The following BMPER variants were observed in gnomAD, a reference collection of about 807,000 sequenced individuals.
BMPER encodes the protein BMP-binding endothelial regulator protein.
A neutral mutation model predicts 87.3 loss-of-function variants in BMPER; 45 were observed. That is an observed-to-expected ratio of 0.52 (90% CI 0.41 to 0.66). BMPER has a LOEUF of 0.66. Among genes scored for constraint, BMPER ranks in the 30% least tolerant of loss-of-function variants. The pLI is 0.00. For missense variants in BMPER, 784 were observed against 867.5 expected (o/e 0.90, Z 1.21); for synonymous variants, 326 against 316.2 (o/e 1.03, Z -0.33).
chr7:33,998,821 A>C (rs1274243226), intron 6 of BMPER, among the ~76,000 whole-genome samples: 1 of 152,240 alleles, frequency 6.6e-6, no homozygotes, highest in Non-Finnish European at 1.5e-5. Flanking sequence ...CGACCTGCTC[A>C]TCAGAGGAGA....
At chr7:33,944,761 A>G (rs1281128703) in intron 3 of BMPER, among the ~76,000 whole-genome samples, 7 of 152,102 alleles carry the variant, frequency 4.6e-5, no homozygotes, top group Non-Finnish European at 1.0e-4. Context: ...TAATGTGCAT[A>G]GTTTATTTAT....
chr7:33,916,871 C>CA (rs1784098017), intron 2 of BMPER, among the ~76,000 whole-genome samples: 1 of 152,064 alleles, frequency 6.6e-6, no homozygotes, highest in Non-Finnish European at 1.5e-5. Flanking sequence ...TAGCTCCCCC[C>CA]AGAATGGAAC....
At chr7:34,016,482 G>C (rs531530805) in intron 6 of BMPER, among the ~76,000 whole-genome samples, 17 of 152,042 alleles carry the variant, frequency 1.1e-4, no homozygotes, top group African/African-American at 4.1e-4. Flanking sequence ...AATTAGGATA[G>C]TACTGATCCT....
chr7:34,119,868 G>A (rs1182229848), intron 13 of BMPER, among the ~76,000 whole-genome samples: 1 of 152,152 alleles, frequency 6.6e-6, no homozygotes, highest in East Asian at 1.9e-4. Context: ...CAGAAAAATT[G>A]AAAGTAAAGA....
At chr7:34,039,887 C>G (rs1023190764) in intron 6 of BMPER, among the ~76,000 whole-genome samples, 1 of 152,044 alleles carries the variant, frequency 6.6e-6, no homozygotes, top group Non-Finnish European at 1.5e-5. Context: ...TTGTATCAGT[C>G]AAGGTCTCAT....
intron 2 of BMPER, among the ~76,000 whole-genome samples, chr7:33,935,796 T>C (rs543422465): frequency 6.6e-6 from 1 of 152,288 alleles, no homozygotes; most frequent in Admixed American, 6.5e-5. Flanking sequence ...AGGAGAATAT[T>C]CACCACATTC....
intron 2 of BMPER, among the ~76,000 whole-genome samples, chr7:33,923,368 T>A (rs1784281865): frequency 6.6e-6 from 1 of 152,246 alleles, no homozygotes; most frequent in African/African-American, 2.4e-5. Flanking sequence ...CACTAAGCTC[T>A]AGTGGGTCTG....
At chr7:33,992,156 A>G (rs1487302438) in intron 6 of BMPER, among the ~76,000 whole-genome samples, 1 of 150,272 alleles carries the variant, frequency 6.7e-6, no homozygotes, top group African/African-American at 2.5e-5. Flanking sequence ...AGCTGAGTTC[A>G]ATTCCTGGGT....
intron 3 of BMPER, among the ~76,000 whole-genome samples, chr7:33,949,353 G>A (rs560322141): frequency 6.6e-6 from 1 of 152,198 alleles, no homozygotes; most frequent in Admixed American, 6.5e-5. Flanking sequence ...TAACCCCAGC[G>A]ACTTTGTCCT....
At chr7:33,912,977 G>T (rs527576836) in intron 2 of BMPER, among the ~76,000 whole-genome samples, 54 of 152,222 alleles carry the variant, frequency 3.5e-4, no homozygotes, top group African/African-American at 1.1e-3. Flanking sequence ...TGTGCTGGCT[G>T]GGGACCTTTG....
chr7:34,049,366 G>A (rs1282756384), intron 7 of BMPER, among the ~76,000 whole-genome samples: 2 of 152,120 alleles, frequency 1.3e-5, no homozygotes, highest in East Asian at 1.9e-4. Flanking sequence ...GAGTTTAAGC[G>A]ATTGGTCACA....
chr7:33,992,033 C>T (rs1307848388), intron 6 of BMPER, among the ~76,000 whole-genome samples: 1 of 150,914 alleles, frequency 6.6e-6, no homozygotes, highest in South Asian at 2.1e-4. Context: ...AGCTTTACTT[C>T]CCAGTATGTG....
intron 3 of BMPER, among the ~76,000 whole-genome samples, chr7:33,957,567 AAC>A (rs970620503): frequency 2.6e-5 from 4 of 152,106 alleles, no homozygotes; most frequent in South Asian, 2.1e-4. Flanking sequence ...ACTGCACAGA[AAC>A]ACACACACAC....
intron 6 of BMPER, among the ~76,000 whole-genome samples, chr7:34,038,525 T>C (rs894573329): frequency 6.6e-6 from 1 of 152,194 alleles, no homozygotes; most frequent in African/African-American, 2.4e-5. Flanking sequence ...TTGTAACTTA[T>C]CATAGCAGCA....
intron 11 of BMPER, among the ~76,000 whole-genome samples, chr7:34,068,463 C>T (rs1387772632): frequency 6.6e-6 from 1 of 152,196 alleles, no homozygotes; most frequent in Non-Finnish European, 1.5e-5. Flanking sequence ...TCCAACCACA[C>T]CTGGTTGGAA....
intron 13 of BMPER, among the ~76,000 whole-genome samples, chr7:34,123,880 TTGAGA>T (rs1184850289): frequency 6.6e-6 from 1 of 152,220 alleles, no homozygotes; most frequent in African/African-American, 2.4e-5. Context: ...TTCTTTTGGG[TTGAGA>T]CTATATCTTT....
chr7:34,015,458 T>C (rs1786995897), intron 6 of BMPER, among the ~76,000 whole-genome samples: 3 of 152,006 alleles, frequency 2.0e-5, no homozygotes, highest in East Asian at 2.0e-4. Context: ...TTCCACCTAT[T>C]GGAATTTGAG....
rs781307687 is a variant in BMPER at position 34,143,334 on chromosome 7, A to C, written c.1850A>C (p.His617Pro). ...TGCCAGAGAGAGGGCATCAAAGTCC[A>C]CTGGGAGCCTCAGCAGAATTGTGCA... is the stretch of plus-strand genomic sequence containing the variant. ...RACQREGIKVHWEPQQNCAAT... is the reference protein window; with the variant it reads ...RACQREGIKVPWEPQQNCAAT... The change falls in exon 14 of 15, where the codon CAC becomes CCC. Residue 617 changes from histidine to proline, a missense_variant. Transcript: ENST00000649409. 2 of 1,614,046 alleles carry C rather than the reference A, an allele frequency of 1.2e-6. No individual in the cohort carries two copies. The highest frequency in any genetic ancestry group is 1.7e-6 in the Non-Finnish European group (2 of 1,179,936).
intron 2 of BMPER, among the ~76,000 whole-genome samples, chr7:33,907,722 T>C (rs529262595): frequency 2.2e-4 from 34 of 152,304 alleles, no homozygotes; most frequent in South Asian, 1.7e-3. Flanking sequence ...CAAAATTTGG[T>C]TAGAAACTAC....
Sources: allele counts gnomAD v4.1 joint callset (sites outside exome capture counted in the v4.1 genomes callset), GRCh38; gene constraint gnomAD v4.1.1; transcripts MANE v1.5; gene names NCBI Gene and HGNC (gene_info 2026-07-23, HGNC 2026-07-21).